ATRN: variants seen among roughly 807,000 people sequenced by gnomAD.
The protein encoded by ATRN is attractin.
Under a neutral mutation model 178.7 loss-of-function variants are expected in ATRN, and 54 were observed. The ratio of observed to expected loss-of-function variants is 0.30; its 90% CI spans 0.24 to 0.38. The LOEUF (loss-of-function observed/expected upper bound fraction) is 0.38. ATRN is among the 10% of genes least tolerant of loss of function. The probability of loss-of-function intolerance (pLI) is 1.00; values close to 1 mark genes in which losing one functional copy is unlikely to be tolerated. For synonymous variants in ATRN, 636 were observed against 663.0 expected (o/e 0.96, Z 0.63); for missense variants, 1,443 against 1,815.1 (o/e 0.79, Z 3.73).
At chr20:3,540,549 C>T (rs1045775800) in intron 3 of ATRN, among the ~76,000 whole-genome samples, 5 of 152,190 alleles carry the variant, frequency 3.3e-5, no homozygotes, top group African/African-American at 1.2e-4. Context: ...CTTGACTTCT[C>T]TTTTCAGTGC....
intron 24 of ATRN, among the ~76,000 whole-genome samples, chr20:3,607,372 A>G (rs1330542984): frequency 2.0e-5 from 3 of 151,958 alleles, no homozygotes; most frequent in African/African-American, 7.3e-5. Context: ...ATACCCATTA[A>G]CCTCTATCTC....
chr20:3,494,606 A>G (rs756724840), intron 1 of ATRN, among the ~76,000 whole-genome samples: 21 of 152,192 alleles, frequency 1.4e-4, no homozygotes, highest in Non-Finnish European at 2.4e-4. Flanking sequence ...GGTGAAGGTA[A>G]AGAAAGAGTC....
chr20:3,595,264 G>A (rs1428459735), intron 20 of ATRN, among the ~76,000 whole-genome samples: 4 of 152,288 alleles, frequency 2.6e-5, no homozygotes, highest in Admixed American at 2.0e-4. Flanking sequence ...AATGTATACC[G>A]GGCTGTCTCA....
intron 6 of ATRN, among the ~76,000 whole-genome samples, chr20:3,557,395 C>A (rs2085892080): frequency 6.6e-6 from 1 of 152,168 alleles, no homozygotes. Context: ...AAGGGAGCAA[C>A]ATCTGCGAAG....
intron 1 of ATRN, among the ~76,000 whole-genome samples, chr20:3,478,780 T>C (rs970529137): frequency 9.9e-5 from 15 of 152,144 alleles, no homozygotes; most frequent in Non-Finnish European, 2.2e-4. Context: ...TCCCTTTTTT[T>C]CCTAACCAAA....
Position 3,521,814 on chromosome 20 carries a change from C to T in ATRN, c.411-13439C>T, listed in dbSNP as rs12625266. ...GTGTTCTGTTTTGAAGACAGGGTCT[C>T]GCTTGCTCTGTCACCCAGGCTGAAG... On this transcript the variant is annotated intron_variant, in intron 1 of 28. Transcript: ENST00000262919. 3.5e-3 allele frequency among the ~76,000 whole-genome samples: 540 copies of T among 152,246 alleles called. 18 individuals are homozygous for T. The East Asian group carries it at 0.089, about 25-fold the overall frequency.
chr20:3,478,846 T>G (rs1458557907), intron 1 of ATRN, among the ~76,000 whole-genome samples: 2 of 151,972 alleles, frequency 1.3e-5, no homozygotes, highest in African/African-American at 4.8e-5. Flanking sequence ...CCCTCCTCAC[T>G]GCTCCCCCAT....
At position 3,647,726 on chromosome 20, in the gene ATRN, A is replaced by G. The variant is rs1316574278; in HGVS notation, c.*879A>G. On this transcript the variant is annotated 3_prime_UTR_variant, in exon 29 of 29. Coordinates refer to ENST00000262919, the MANE Select transcript of ATRN (RefSeq NM_139321.3). ...CATTCCTACATTCTTGTAAAATTTAAATAGCTACCATTGGCAATCTGCTTT... is the reference window on the plus strand; with the variant it reads ...CATTCCTACATTCTTGTAAAATTTAGATAGCTACCATTGGCAATCTGCTTT... 6.6e-6 allele frequency: 1 copy of G among 152,212 alleles called. No individual in the cohort carries two copies. Among genetic ancestry groups the G allele is most frequent in the African/African-American group, 2.4e-5 (1 of 41,460 alleles). 9.4% of individuals were successfully genotyped at this position (152,212 alleles called of 1,614,324 possible).
At chr20:3,499,485 G>C (rs1183917056) in intron 1 of ATRN, among the ~76,000 whole-genome samples, 1 of 150,062 alleles carries the variant, frequency 6.7e-6, no homozygotes, top group Non-Finnish European at 1.5e-5. Context: ...CCAAAACAGA[G>C]ATATAGATCA....
rs573224124 is a variant in ATRN at position 3,642,000 on chromosome 20, G to A, written c.4051-2154G>A. On this transcript the variant is annotated intron_variant, in intron 27 of 28. Transcript: ENST00000262919. ...AAAAAATAGACAAGCCTAAAGTATT[G>A]AACAACATGATATATGTCAGCAGCA... 2.0e-4 allele frequency among the ~76,000 whole-genome samples: 31 copies of A among 152,246 alleles called. No homozygotes were observed. The East Asian group carries it at 6.0e-3, about 29-fold the overall frequency.
intron 15 of ATRN, among the ~76,000 whole-genome samples, chr20:3,580,689 G>GGC (rs1434125219): frequency 2.1e-4 from 32 of 152,118 alleles, no homozygotes; most frequent in Admixed American, 8.5e-4. Context: ...TTAAGGGAGT[G>GGC]GCTCTTTGAG....
chr20:3,490,723 G>A lies in ATRN; in HGVS notation c.410+19206G>A. ...GACATTGGCACACAGATCTCATTTG[G>A]GTGCTTCTGGTGGAATTCCTTTATT... On this transcript the variant is annotated intron_variant, in intron 1 of 28. Coordinates refer to ENST00000262919, the MANE Select transcript of ATRN (RefSeq NM_139321.3). 3 of 794,270 alleles carry A rather than the reference G, an allele frequency of 3.8e-6. No homozygotes were observed. The Admixed American group carries it at 5.1e-5, about 14-fold the overall frequency. 49.2% of individuals were successfully genotyped at this position (794,270 alleles called of 1,614,324 possible). A position where few individuals can be genotyped will look rare whatever the true frequency, so the allele number is the denominator to read the frequency against.
intron 1 of ATRN, among the ~76,000 whole-genome samples, chr20:3,534,373 G>A (rs1409247820): frequency 6.6e-6 from 1 of 152,166 alleles, no homozygotes; most frequent in African/African-American, 2.4e-5. Context: ...GCCAGAGAAG[G>A]GGATGGCTAA....
intron 22 of ATRN, among the ~76,000 whole-genome samples, chr20:3,599,014 AG>A (rs1452700583): frequency 3.3e-5 from 5 of 152,252 alleles, no homozygotes; most frequent in African/African-American, 1.2e-4. Context: ...TTACTATACA[AG>A]TAAATGAAAA....
chr20:3,627,015 G>A (rs2086947130), intron 25 of ATRN, among the ~76,000 whole-genome samples: 1 of 151,998 alleles, frequency 6.6e-6, no homozygotes, highest in Non-Finnish European at 1.5e-5. Context: ...TCGAACTCCT[G>A]ACCTCAAGTG....
intron 19 of ATRN, among the ~76,000 whole-genome samples, chr20:3,592,252 T>C (rs2086457431): frequency 6.6e-6 from 1 of 151,808 alleles, no homozygotes; most frequent in Admixed American, 6.6e-5. Flanking sequence ...ATAGAAAAAT[T>C]AGCTGGGCAT....
chr20:3,602,962 T>C (rs1199305036), intron 23 of ATRN, among the ~76,000 whole-genome samples: 2 of 14,446 alleles, frequency 1.4e-4, no homozygotes, highest in African/African-American at 8.0e-4. Flanking sequence ...AAATTCCATC[T>C]CAAAAAAAAA....
intron 1 of ATRN, among the ~76,000 whole-genome samples, chr20:3,488,396 T>C (rs572916455): frequency 6.6e-6 from 1 of 152,294 alleles, no homozygotes; most frequent in Non-Finnish European, 1.5e-5. Flanking sequence ...GAGACACATT[T>C]ATTTGCTTTA....
At chr20:3,499,863 A>T (rs1191986161) in intron 1 of ATRN, among the ~76,000 whole-genome samples, 1 of 148,670 alleles carries the variant, frequency 6.7e-6, no homozygotes, top group East Asian at 2.0e-4. Context: ...GAGCTTCTGC[A>T]CAGCAAAAGA....
Sources: allele counts gnomAD v4.1 joint callset (sites outside exome capture counted in the v4.1 genomes callset), GRCh38; gene constraint gnomAD v4.1.1; transcripts MANE v1.5; gene names NCBI Gene and HGNC (gene_info 2026-07-23, HGNC 2026-07-21).